Variants in DDIAS observed in about 807,000 individuals in gnomAD.
DDIAS encodes DNA damage-induced apoptosis suppressor protein.
In DDIAS, 14 loss-of-function variants were observed where a neutral mutation model predicts 15.7. The ratio of observed to expected loss-of-function variants is 0.89; its 90% CI spans 0.59 to 1.39. DDIAS has a LOEUF of 1.39. Ranked by LOEUF, DDIAS falls within the 40% of genes most tolerant of loss-of-function variation. The pLI is 0.00. For missense variants in DDIAS, 1,035 were observed against 1,130.9 expected (o/e 0.92, Z 1.22); for synonymous variants, 355 against 395.9 (o/e 0.90, Z 1.23).
chr11:82,933,591 A>C lies in DDIAS; in HGVS notation c.2253A>C (p.Thr751=), dbSNP rs1423801901. ...DSRHSRTCSP[T]PHFQSDSEYN... Reference sequence around the variant, plus strand: ...GGCATTCAAGAACATGCTCTCCAACACCTCATTTTCAATCAGATTCAGAAT... The same window carrying C: ...GGCATTCAAGAACATGCTCTCCAACCCCTCATTTTCAATCAGATTCAGAAT... The change falls in exon 6 of 6, where the codon ACA becomes ACC. Residue 751 remains threonine (T), a synonymous_variant. Coordinates refer to ENST00000533655, the MANE Select transcript of DDIAS (RefSeq NM_145018.4). 1 of 1,613,664 alleles carries C rather than the reference A, an allele frequency of 6.2e-7. No individual in the cohort carries two copies. The highest frequency in any genetic ancestry group is 8.5e-7 in the Non-Finnish European group (1 of 1,179,912).
At position 82,934,487 on chromosome 11, in the gene DDIAS, T is replaced by A; in HGVS notation, c.*152T>A. 1 of 726,512 alleles carries A rather than the reference T, an allele frequency of 1.4e-6. No homozygotes were observed. Among genetic ancestry groups the A allele is most frequent in the Non-Finnish European group, 2.1e-6 (1 of 477,418 alleles). The allele number at this position is 726,512 out of a possible 1,614,324, so 45.0% of individuals were successfully genotyped here. A position where few individuals can be genotyped will look rare whatever the true frequency, so the allele number is the denominator to read the frequency against. ...GGGAGCTACTGTGCCTTTTAAAATATAAAGCCATTGTTTTCCCCAGGGTTT... is the reference window on the plus strand; with the variant it reads ...GGGAGCTACTGTGCCTTTTAAAATAAAAAGCCATTGTTTTCCCCAGGGTTT... On this transcript the variant is annotated 3_prime_UTR_variant, in exon 6 of 6. Transcript: ENST00000533655.
chr11:82,908,031 G>A (rs538257374), intron 1 of DDIAS, among the ~76,000 whole-genome samples: 2 of 152,310 alleles, frequency 1.3e-5, no homozygotes, highest in African/African-American at 2.4e-5. Flanking sequence ...GTACCATGAA[G>A]GATAAAACAG....
chr11:82,924,117 C>A (rs1860809821), intron 3 of DDIAS, among the ~76,000 whole-genome samples: 1 of 152,200 alleles, frequency 6.6e-6, no homozygotes. Context: ...AAGTTTATAT[C>A]ATTTACTTAA....
At chr11:82,918,141 A>C (rs111717396) in intron 3 of DDIAS, among the ~76,000 whole-genome samples, 1,995 of 152,270 alleles carry the variant, frequency 0.013, 36 homozygotes, top group African/African-American at 0.045. Context: ...AGTTTAATTA[A>C]GTCCCAGCTA....
rs529071871 is a variant in DDIAS, at chr11:82,920,303, T to C, written c.113+5452T>C. On this transcript the variant is annotated intron_variant, in intron 3 of 5. Transcript: ENST00000533655. ...TAATCTTGCTAACGGTCTATCAATT[T>C]TATTTATCTTTTCAAAGAGCCAGCT... is the stretch of plus-strand genomic sequence containing the variant. Among the ~76,000 whole-genome samples, 6 of 152,338 alleles carry C rather than the reference T, an allele frequency of 3.9e-5. No individual in the cohort carries two copies. In the East Asian group the frequency reaches 1.2e-3, roughly 29 times the overall value.
intron 1 of DDIAS, chr11:82,909,261 C>T: frequency 6.6e-6 from 1 of 152,188 alleles, no homozygotes; most frequent in East Asian, 1.9e-4. Flanking sequence ...CATTTGTAAA[C>T]TGTCATGGCG....
intron 3 of DDIAS, among the ~76,000 whole-genome samples, chr11:82,921,860 T>A (rs1860761689): frequency 6.6e-6 from 1 of 152,200 alleles, no homozygotes; most frequent in South Asian, 2.1e-4. Flanking sequence ...ATTACAGGCA[T>A]GAGCCACTGC....
rs142883872 is a variant in DDIAS, at chr11:82,914,746, G to A, written c.8G>A (p.Arg3Lys). Reference protein sequence around the residue: MNRRRKFLLASVL... With the variant: MNKRRKFLLASVL... Reference sequence around the variant, plus strand: ...AGACCACGGTGTGAACACATGAACAGAAGACGAAAATTTCTTCTAGCCTCA... The same window carrying A: ...AGACCACGGTGTGAACACATGAACAAAAGACGAAAATTTCTTCTAGCCTCA... The change falls in exon 3 of 6, where the codon AGA (arginine) becomes AAA (lysine). Residue 3 changes from arginine to lysine, a missense_variant. By Grantham distance (26) the Arg-to-Lys change is conservative (BLOSUM62 2). Transcript: ENST00000533655. 46 of 1,597,622 alleles carry A rather than the reference G, an allele frequency of 2.9e-5. No homozygotes were observed. The African/African-American group carries it at 4.8e-4, about 17-fold the overall frequency.
At chr11:82,929,094 T>A (rs917290845) in intron 4 of DDIAS, among the ~76,000 whole-genome samples, 156 bp downstream of exon 4, 4 of 152,264 alleles carry the variant, frequency 2.6e-5, no homozygotes, top group African/African-American at 9.6e-5. Context: ...GTTTATTTCC[T>A]GAATACATAT....
chr11:82,934,323 A>C lies in DDIAS; in HGVS notation c.2985A>C (p.Glu995Asp). The C allele has an allele frequency of 6.3e-7, 1 of 1,584,718 alleles. No individual in the cohort carries two copies. Among genetic ancestry groups the C allele is most frequent in the Non-Finnish European group, 8.6e-7 (1 of 1,168,422 alleles). Reference sequence around the variant, plus strand: ...AAACTCGAAGTGCTTGGTCACCTGAATTGTTTTCATAAAAAGTCACCTGAA... The same window carrying C: ...AAACTCGAAGTGCTTGGTCACCTGACTTGTTTTCATAAAAAGTCACCTGAA... ...VCETRSAWSP[E>D]LFS is the part of the protein sequence containing the mutation. Residue 995 changes from glutamate to aspartate, a missense_variant, in exon 6 of 6, where the codon GAA becomes GAC. Glu to Asp is a conservative substitution (Grantham distance 45). Transcript: ENST00000533655.
chr11:82,924,094 C>T (rs1860809524), intron 3 of DDIAS, among the ~76,000 whole-genome samples: 1 of 152,172 alleles, frequency 6.6e-6, no homozygotes, highest in Non-Finnish European at 1.5e-5. Context: ...TCCCCCATTC[C>T]CAACTACCCA....
chr11:82,917,125 A>G (rs1860647156), intron 3 of DDIAS, among the ~76,000 whole-genome samples: 1 of 150,128 alleles, frequency 6.7e-6, no homozygotes. Context: ...AAATTTTTTA[A>G]AACTATTTCC....
Position 82,934,425 on chromosome 11 carries a change from C to T in DDIAS, c.*90C>T. 3 of 1,335,850 alleles carry T rather than the reference C, an allele frequency of 2.2e-6. No individual in the cohort carries two copies. Among genetic ancestry groups the T allele is most frequent in the Non-Finnish European group, 3.0e-6 (3 of 986,282 alleles). The allele number at this position is 1,335,850 out of a possible 1,614,324, so 82.7% of individuals were successfully genotyped here. ...CGGAAAGCATTCTTTACATTTTGAA[C>T]ACTTGGAGAGAAGCAAATTGAAAAC... is the stretch of plus-strand genomic sequence containing the variant. On this transcript the variant is annotated 3_prime_UTR_variant, in exon 6 of 6. Coordinates refer to ENST00000533655, the MANE Select transcript of DDIAS (RefSeq NM_145018.4).
At chr11:82,905,203 GA>G (rs914711678) in intron 1 of DDIAS, among the ~76,000 whole-genome samples, 1 of 152,082 alleles carries the variant, frequency 6.6e-6, no homozygotes, top group Non-Finnish European at 1.5e-5. Flanking sequence ...TGTGCCCTTT[GA>G]AAAATCAAAG....
At chr11:82,916,660 G>A (rs966313120) in intron 3 of DDIAS, among the ~76,000 whole-genome samples, 8 of 152,084 alleles carry the variant, frequency 5.3e-5, no homozygotes, top group Admixed American at 3.3e-4. Context: ...TTATTTAGAC[G>A]GGTAATACCA....
chr11:82,919,351 G>C (rs79020348), intron 3 of DDIAS, among the ~76,000 whole-genome samples: 1 of 152,196 alleles, frequency 6.6e-6, no homozygotes. Context: ...CCATTGAGAT[G>C]ATCATGTGAT....
chr11:82,919,283 T>C (rs768459145), intron 3 of DDIAS, among the ~76,000 whole-genome samples: 4 of 152,202 alleles, frequency 2.6e-5, no homozygotes, highest in Non-Finnish European at 5.9e-5. Context: ...TATGCCACTT[T>C]CGCTGAGAGT....
In DDIAS at chr11:82,932,105, A is replaced by G. The variant is rs1222191490; in HGVS notation, c.767A>G (p.Asp256Gly). 2 of 1,614,186 alleles carry G rather than the reference A, an allele frequency of 1.2e-6. No individual in the cohort carries two copies. Among genetic ancestry groups the G allele is most frequent in the East Asian group, 2.2e-5 (1 of 44,892 alleles). ...ATTGTTTCACAACTAACAGATAATG[A>G]TGATTTTTCAGCTTCAGAACAAAGT... ...TCIVSQLTDN[D>G]DFSASEQSKA... The change falls in exon 6 of 6, where the codon GAT becomes GGT. Residue 256 changes from aspartate to glycine, a missense_variant. Physicochemically the swap from Asp to Gly is moderately conservative, Grantham distance 94. Coordinates refer to ENST00000533655, the MANE Select transcript of DDIAS (RefSeq NM_145018.4).
intron 3 of DDIAS, among the ~76,000 whole-genome samples, chr11:82,923,811 T>A (rs1216450389): frequency 6.6e-6 from 1 of 152,076 alleles, no homozygotes; most frequent in Non-Finnish European, 1.5e-5. Flanking sequence ...TAGACATACA[T>A]CTATAAAAAA....
Sources: allele counts gnomAD v4.1 joint callset (sites outside exome capture counted in the v4.1 genomes callset), GRCh38; gene constraint gnomAD v4.1.1; transcripts MANE v1.5; gene names NCBI Gene and HGNC (gene_info 2026-07-23, HGNC 2026-07-21).